PCNX2: variants seen among roughly 807,000 people sequenced by gnomAD.
The protein encoded by PCNX2 is pecanex 2.
Under a neutral mutation model 223.8 loss-of-function variants are expected in PCNX2, and 168 were observed. That is an observed-to-expected ratio of 0.75 (90% CI 0.66 to 0.85). The LOEUF is 0.85. Ranked by LOEUF, PCNX2 falls within the 40% of genes least tolerant of loss-of-function variation. The probability of loss-of-function intolerance (pLI) is 0.00; values close to 1 mark genes in which losing one functional copy is unlikely to be tolerated. For missense variants in PCNX2, 2,507 were observed against 2,675.5 expected, an observed-to-expected ratio of 0.94 and a Z score of 1.39; for synonymous variants, 1,006 against 1,052.6, an observed-to-expected ratio of 0.96 and a Z score of 0.86.
chr1:233,014,665 C>T lies in PCNX2; in HGVS notation c.4952G>A (p.Ser1651Asn). The T allele has an allele frequency of 1.9e-6, 3 of 1,613,446 alleles. No homozygotes were observed. In the South Asian group the frequency reaches 3.3e-5, roughly 18 times the overall value. ...LGTAAHNMAI[S>N]LDSFLYGLHV... ...GATTCTAACTTCTCCCCCCAGGTAC[C>T]TGATGGCCATATTGTGAGCGGCTGT... The change falls in exon 28 of 34, where the codon AGC (serine) becomes AAC (asparagine). Residue 1651 changes from serine (S) to asparagine (N), a missense_variant and splice_region_variant. Ser to Asn is a conservative substitution (Grantham distance 46). Around this residue, in one of 3 missense-constraint regions of PCNX2, gnomAD observed 1,372 missense variants for 1,509.4 expected, o/e 0.91. Coordinates refer to ENST00000258229, the MANE Select transcript of PCNX2 (RefSeq NM_014801.4).
chr1:233,222,443 G>C (rs1455601488), intron 10 of PCNX2, among the ~76,000 whole-genome samples: 2 of 152,162 alleles, frequency 1.3e-5, no homozygotes, highest in Non-Finnish European at 2.9e-5. Flanking sequence ...TGTGATCCCA[G>C]CTACTTGGGA....
chr1:233,025,302 C>G lies in PCNX2; in HGVS notation c.4449G>C (p.Leu1483=). The change falls in exon 26 of 34, where the codon CTG becomes CTC. Residue 1483 remains leucine (L), a synonymous_variant. Transcript: ENST00000258229. ...CCCKPGHLPH[L]LSCNAAFHLR... ...GGTGAAAGGCAGCGTTGCAGGACAG[C>G]AGGTGAGGCAAGTGGCCTGGTTTGC... The G allele has an allele frequency of 6.2e-7, 1 of 1,614,030 alleles. No homozygotes were observed. Among genetic ancestry groups the G allele is most frequent in the Middle Eastern group, 1.6e-4 (1 of 6,062 alleles).
At chr1:233,316,804 A>G in the PCNX2 span, among the ~76,000 whole-genome samples, 12 of 151,908 alleles carry the variant, frequency 7.9e-5, no homozygotes, top group Non-Finnish European at 1.8e-4. Flanking sequence ...GACTCATCTT[A>G]CCCATCTTTT....
intron 21 of PCNX2, among the ~76,000 whole-genome samples, chr1:233,101,316 C>A (rs1674474638): frequency 6.6e-6 from 1 of 152,206 alleles, no homozygotes. Flanking sequence ...AAGCACCACT[C>A]TTCCAGAATA....
At chr1:233,047,179 C>T (rs1671851660) in intron 25 of PCNX2, among the ~76,000 whole-genome samples, 1 of 152,188 alleles carries the variant, frequency 6.6e-6, no homozygotes. Context: ...GCAGCAGAAC[C>T]ACTGGCCAAC....
chr1:233,204,441 C>A (rs1256172218), intron 13 of PCNX2, among the ~76,000 whole-genome samples: 1 of 152,182 alleles, frequency 6.6e-6, no homozygotes, highest in East Asian at 1.9e-4. Flanking sequence ...CTGTACACTT[C>A]TTTTTCCTCC....
intron 33 of PCNX2, chr1:232,985,295 AG>A (rs1558141512): frequency 1.3e-5 from 2 of 152,308 alleles, no homozygotes; most frequent in East Asian, 3.9e-4. Context: ...GTTCAGGTGC[AG>A]CCCCCCGTCT....
At position 233,101,246 on chromosome 1, in the gene PCNX2, G is replaced by C. The variant is rs191641662; in HGVS notation, c.3838-5383C>G. Among the ~76,000 whole-genome samples, 17 of 152,264 alleles carry C rather than the reference G, an allele frequency of 1.1e-4. No individual in the cohort carries two copies. In the East Asian group the frequency reaches 3.3e-3, roughly 29 times the overall value. ...GGGGAAAAGAAAAATGTTCAAGAAG[G>C]AATAGAAAAAGTAAAGCTAGTGACA... On this transcript the variant is annotated intron_variant, in intron 21 of 33. Coordinates refer to ENST00000258229, the MANE Select transcript of PCNX2 (RefSeq NM_014801.4).
At chr1:233,134,864 G>C in intron 21 of PCNX2, 149 bp downstream of exon 21, 1 of 681,378 alleles carries the variant, frequency 1.5e-6, no homozygotes, top group South Asian at 2.0e-5. Flanking sequence ...TTCCCCAAAT[G>C]GTAGCAAGAG....
chr1:233,013,007 A>C (rs1670522377), intron 28 of PCNX2, among the ~76,000 whole-genome samples: 2 of 152,180 alleles, frequency 1.3e-5, no homozygotes, highest in African/African-American at 4.8e-5. Flanking sequence ...ATGTTTTATG[A>C]AGCCCACAGA....
At chr1:233,121,141 A>G (rs1415575536) in intron 21 of PCNX2, among the ~76,000 whole-genome samples, 1 of 152,154 alleles carries the variant, frequency 6.6e-6, no homozygotes, top group South Asian at 2.1e-4. Flanking sequence ...CAGTATCTAT[A>G]TGCAAAAACC....
At position 232,993,328 on chromosome 1, in the gene PCNX2, C is replaced by T. The variant is rs142712680; in HGVS notation, c.5791+4923G>A. 3.1e-3 allele frequency among the ~76,000 whole-genome samples: 478 copies of T among 152,242 alleles called. 2 individuals are homozygous for T. The highest frequency in any genetic ancestry group is 8.9e-3 in the African/African-American group (371 of 41,558). ...TGCTGTGCTTTAACAAAGAGACTGGCGGCATTTTATCCCATCCTAGAGATC... is the reference window on the plus strand; with the variant it reads ...TGCTGTGCTTTAACAAAGAGACTGGTGGCATTTTATCCCATCCTAGAGATC... On this transcript the variant is annotated intron_variant, in intron 32 of 33. Coordinates refer to ENST00000258229, the MANE Select transcript of PCNX2 (RefSeq NM_014801.4).
At chr1:233,143,601 A>G (rs963836448) in intron 19 of PCNX2, among the ~76,000 whole-genome samples, 5 of 152,122 alleles carry the variant, frequency 3.3e-5, no homozygotes, top group Non-Finnish European at 7.3e-5. Flanking sequence ...CGAGTCCTAC[A>G]AGTGATTCTG....
chr1:233,154,376 G>A (rs571064009), intron 19 of PCNX2, among the ~76,000 whole-genome samples: 72 of 152,258 alleles, frequency 4.7e-4, no homozygotes, highest in African/African-American at 1.4e-3. Flanking sequence ...CACCATGCCC[G>A]GCCTATGTGT....
chr1:233,113,736 T>C (rs938684362), intron 21 of PCNX2, among the ~76,000 whole-genome samples: 11 of 152,214 alleles, frequency 7.2e-5, no homozygotes, highest in African/African-American at 2.7e-4. Flanking sequence ...CCCTGAACCA[T>C]CCTGGGTGGC....
chr1:233,174,523 G>A (rs1679356206), intron 17 of PCNX2, among the ~76,000 whole-genome samples: 2 of 151,632 alleles, frequency 1.3e-5, no homozygotes, highest in Admixed American at 1.3e-4. Flanking sequence ...ACTCTCAAAG[G>A]AAGCTTAAGA....
intron 14 of PCNX2, among the ~76,000 whole-genome samples, chr1:233,199,557 G>A (rs1680935670): frequency 6.6e-6 from 1 of 152,096 alleles, no homozygotes; most frequent in Non-Finnish European, 1.5e-5. Flanking sequence ...AGGTTATGAT[G>A]TTTATTTCCA....
At chr1:233,195,897 A>G (rs1348626375) in intron 15 of PCNX2, among the ~76,000 whole-genome samples, 1 of 152,162 alleles carries the variant, frequency 6.6e-6, no homozygotes, top group African/African-American at 2.4e-5. Context: ...AATTTTTGCA[A>G]ATTTTGGTAG....
intron 21 of PCNX2, among the ~76,000 whole-genome samples, chr1:233,134,549 CA>C (rs1676695023): frequency 6.7e-6 from 1 of 150,168 alleles, no homozygotes; most frequent in Non-Finnish European, 1.5e-5. Flanking sequence ...GAAAAGAAAA[CA>C]GAAGAAAAAA....
Sources: allele counts gnomAD v4.1 joint callset (sites outside exome capture counted in the v4.1 genomes callset), GRCh38; gene constraint gnomAD v4.1.1; regional missense constraint gnomAD v4.1.1; transcripts MANE v1.5; gene names NCBI Gene and HGNC (gene_info 2026-07-23, HGNC 2026-07-21).